SHISA9: variants seen among roughly 807,000 people sequenced by gnomAD.
SHISA9 encodes protein shisa-9.
Under a neutral mutation model 38.0 loss-of-function variants are expected in SHISA9, and 13 were observed. The ratio of observed to expected loss-of-function variants is 0.34; its 90% confidence interval spans 0.22 to 0.54. The LOEUF (loss-of-function observed/expected upper bound fraction) is 0.54. SHISA9 is among the 20% of genes least tolerant of loss of function. SHISA9 has a pLI of 0.91. For missense variants in SHISA9, 538 were observed against 575.8 expected (o/e 0.93, Z 0.67); for synonymous variants, 275 against 242.0 (o/e 1.14, Z -1.27).
chr16:12,967,423 C>T (rs563569535), intron 2 of SHISA9, among the ~76,000 whole-genome samples: 11 of 151,662 alleles, frequency 7.3e-5, no homozygotes, highest in East Asian at 1.9e-4. Flanking sequence ...GTTGGGGGAG[C>T]GGGGAGGGAT....
intron 2 of SHISA9, among the ~76,000 whole-genome samples, chr16:13,098,580 T>A (rs1596646973): frequency 6.6e-6 from 1 of 152,186 alleles, no homozygotes; most frequent in African/African-American, 2.4e-5. Context: ...CAGGCTACAA[T>A]AAGACAGGAA....
At chr16:13,278,311 A>C in the SHISA9 span, among the ~76,000 whole-genome samples, 1 of 151,966 alleles carries the variant, frequency 6.6e-6, no homozygotes, top group South Asian at 2.1e-4. Context: ...TGTTGGATTC[A>C]GTTAGCTAGT....
At chr16:13,382,704 A>C in the SHISA9 span, among the ~76,000 whole-genome samples, 1 of 151,792 alleles carries the variant, frequency 6.6e-6, no homozygotes, top group Non-Finnish European at 1.5e-5. Context: ...ATCAAAAATA[A>C]AAAATTAGCC....
chr16:13,089,042 C>T (rs140241070), intron 2 of SHISA9, among the ~76,000 whole-genome samples: 1 of 152,088 alleles, frequency 6.6e-6, no homozygotes, highest in Non-Finnish European at 1.5e-5. Flanking sequence ...TTGTTGAAGG[C>T]CTTTTCTGCA....
At chr16:13,072,604 C>T (rs547737857) in intron 2 of SHISA9, among the ~76,000 whole-genome samples, 73 of 152,244 alleles carry the variant, frequency 4.8e-4, no homozygotes, top group African/African-American at 1.6e-3. Context: ...CCTTTCAAGA[C>T]CTATGATCAA....
At chr16:13,559,335 G>A in the SHISA9 span, among the ~76,000 whole-genome samples, 35 of 151,898 alleles carry the variant, frequency 2.3e-4, no homozygotes, top group Admixed American at 5.3e-4. Flanking sequence ...ACAGCAAACT[G>A]GGGTCAAAGC....
At chr16:13,423,896 C>G in the SHISA9 span, among the ~76,000 whole-genome samples, 1 of 152,206 alleles carries the variant, frequency 6.6e-6, no homozygotes, top group African/African-American at 2.4e-5. Flanking sequence ...TGCCATCACC[C>G]CATTATCAAG....
chr16:13,486,663 T>C, the SHISA9 span, among the ~76,000 whole-genome samples: 1 of 152,228 alleles, frequency 6.6e-6, no homozygotes, highest in African/African-American at 2.4e-5. Context: ...GCATAGCAAA[T>C]GCTTAGTGGG....
chr16:13,235,578 C>T lies in SHISA9; in HGVS notation c.*169C>T, dbSNP rs1370414809. On this transcript the variant is annotated 3_prime_UTR_variant, in exon 5 of 5. Coordinates refer to ENST00000558583, the MANE Select transcript of SHISA9 (RefSeq NM_001145204.3). ...ACACAGAGTCGCGCTTTTCCTAGGT[C>T]ATGCCTGTAACGTGTCGGCGGGCAG... 20 of 864,246 alleles carry T rather than the reference C, an allele frequency of 2.3e-5. No individual in the cohort carries two copies. Among genetic ancestry groups the T allele is most frequent in the Non-Finnish European group, 3.3e-5 (19 of 582,658 alleles). 53.5% of individuals were successfully genotyped at this position (864,246 alleles called of 1,614,324 possible). A position where few individuals can be genotyped will look rare whatever the true frequency, so the allele number is the denominator to read the frequency against.
intron 2 of SHISA9, among the ~76,000 whole-genome samples, chr16:12,942,745 C>A (rs1376513802): frequency 3.3e-5 from 5 of 152,186 alleles, no homozygotes; most frequent in Non-Finnish European, 5.9e-5. Context: ...AAACTGCATC[C>A]ACCTCATCTG....
chr16:12,904,966 C>T (rs1462932182), intron 1 of SHISA9, among the ~76,000 whole-genome samples: 1 of 152,150 alleles, frequency 6.6e-6, no homozygotes, highest in Non-Finnish European at 1.5e-5. Context: ...GATCCTCCCA[C>T]CTCAGCCTCC....
intron 2 of SHISA9, among the ~76,000 whole-genome samples, chr16:13,005,832 C>T (rs570287052): frequency 1.3e-5 from 2 of 152,310 alleles, no homozygotes; most frequent in South Asian, 4.1e-4. Context: ...CACTTTGCTC[C>T]TTGGACATTG....
chr16:12,957,180 C>T (rs1451781934), intron 2 of SHISA9, among the ~76,000 whole-genome samples: 2 of 152,192 alleles, frequency 1.3e-5, no homozygotes, highest in Non-Finnish European at 2.9e-5. Context: ...TCAGCAGAGG[C>T]ACCTTGACAT....
In SHISA9 at chr16:13,214,859, G is replaced by A. The variant is rs181408686; in HGVS notation, c.895+1559G>A. Among the ~76,000 whole-genome samples the A allele has an allele frequency of 2.6e-5, 4 of 152,194 alleles. No homozygotes were observed. The East Asian group carries it at 7.7e-4, about 29-fold the overall frequency. ...CCATAATTCAATCATCTCCCACCGGGTTCCTCCCACAACACCTGGGAATTG... is the reference window on the plus strand; with the variant it reads ...CCATAATTCAATCATCTCCCACCGGATTCCTCCCACAACACCTGGGAATTG... On this transcript the variant is annotated intron_variant, in intron 4 of 4. Transcript: ENST00000558583.
chr16:13,494,987 A>C, the SHISA9 span, among the ~76,000 whole-genome samples: 109 of 152,238 alleles, frequency 7.2e-4, no homozygotes, highest in Non-Finnish European at 1.5e-3. Context: ...AAGATTACAT[A>C]CTGTATGATT....
At chr16:13,499,699 A>G in the SHISA9 span, among the ~76,000 whole-genome samples, 1 of 152,236 alleles carries the variant, frequency 6.6e-6, no homozygotes. Flanking sequence ...TCCTCTGCAC[A>G]TCAGGAAGAA....
chr16:13,125,047 T>A (rs1023075944), intron 2 of SHISA9, among the ~76,000 whole-genome samples: 3 of 152,144 alleles, frequency 2.0e-5, no homozygotes, highest in Admixed American at 1.3e-4. Context: ...CTCCAGGACG[T>A]TGAAGTGGGC....
At chr16:13,289,461 A>G in the SHISA9 span, among the ~76,000 whole-genome samples, 2 of 152,104 alleles carry the variant, frequency 1.3e-5, no homozygotes, top group Non-Finnish European at 2.9e-5. Flanking sequence ...TAACCAGGGA[A>G]TTACTTTCAG....
At chr16:12,961,469 C>T (rs987262293) in intron 2 of SHISA9, among the ~76,000 whole-genome samples, 2 of 152,112 alleles carry the variant, frequency 1.3e-5, no homozygotes, top group Non-Finnish European at 2.9e-5. Context: ...TCCATCAACA[C>T]GGAGTGGATT....
Sources: gnomAD v4.1 joint callset for allele counts (sites outside exome capture counted in the v4.1 genomes callset) on GRCh38, gnomAD v4.1.1 for gene constraint, MANE v1.5 for transcripts, NCBI Gene and HGNC (gene_info 2026-07-23, HGNC 2026-07-21) for gene names.